The following ROR1 variants were observed in gnomAD, a reference collection of about 807,000 sequenced individuals.
ROR1 encodes the protein ROR family WNT receptor 1, also known as inactive tyrosine-protein kinase transmembrane receptor ROR1.
ROR1 carries 19 observed loss-of-function variants against 78.8 expected under a neutral mutation model. The ratio of observed to expected loss-of-function variants is 0.24; its 90% CI spans 0.17 to 0.35. The LOEUF (loss-of-function observed/expected upper bound fraction) is 0.35, where lower values mean the gene tolerates loss of function less well. Among genes scored for constraint, ROR1 ranks in the 10% least tolerant of loss-of-function variants. ROR1 has a pLI of 1.00. For missense variants in ROR1, 917 were observed against 1,177.8 expected, an observed-to-expected ratio of 0.78 and a Z score of 3.24; for synonymous variants, 386 against 433.6, an observed-to-expected ratio of 0.89 and a Z score of 1.36.
At position 63,962,076 on chromosome 1, in the gene ROR1, A is replaced by G. The variant is rs1646034066; in HGVS notation, c.92-47229A>G. On this transcript the variant is annotated intron_variant, in intron 1 of 8. Coordinates refer to ENST00000371079, the MANE Select transcript of ROR1 (RefSeq NM_005012.4). ...GGAGTTCAAGACCAGCCTGGGCAAC[A>G]TGGCAAAACCCCATGTCTACTAAAA... Among the ~76,000 whole-genome samples the G allele has an allele frequency of 2.0e-5, 3 of 152,192 alleles. No homozygotes were observed. In the South Asian group the frequency reaches 6.2e-4, roughly 32 times the overall value.
chr1:63,961,159 A>C (rs1303887222), intron 1 of ROR1, among the ~76,000 whole-genome samples: 2 of 150,774 alleles, frequency 1.3e-5, no homozygotes, highest in Non-Finnish European at 2.9e-5. Flanking sequence ...AGCTCCTTTA[A>C]TATTATAAGG....
At chr1:63,825,176 T>C (rs1358359711) in intron 1 of ROR1, among the ~76,000 whole-genome samples, 1 of 152,162 alleles carries the variant, frequency 6.6e-6, no homozygotes, top group Non-Finnish European at 1.5e-5. Context: ...CAGTCCTAGG[T>C]ATTTATCCAA....
In ROR1 at chr1:63,847,837, T is replaced by C. The variant is rs199618175; in HGVS notation, c.91+73329T>C. Among the ~76,000 whole-genome samples the C allele has an allele frequency of 3.3e-5, 5 of 152,296 alleles. No individual in the cohort carries two copies. The East Asian group carries it at 9.6e-4, about 29-fold the overall frequency. On this transcript the variant is annotated intron_variant, in intron 1 of 8. Coordinates refer to ENST00000371079, the MANE Select transcript of ROR1 (RefSeq NM_005012.4). The stretch of plus-strand genomic sequence containing the variant: ...AGATATACTCCCTGCTGCTGATAAG[T>C]CCCATGTGTCTACTCATCGGTTAGA...
chr1:63,918,115 C>A (rs1455269422), intron 1 of ROR1, among the ~76,000 whole-genome samples: 1 of 152,194 alleles, frequency 6.6e-6, no homozygotes, highest in East Asian at 1.9e-4. Flanking sequence ...GGTGCCCCGG[C>A]ACCTGCCGTA....
At chr1:63,946,892 CG>C (rs1557576756) in intron 1 of ROR1, among the ~76,000 whole-genome samples, 1 of 152,178 alleles carries the variant, frequency 6.6e-6, no homozygotes, top group Non-Finnish European at 1.5e-5. Flanking sequence ...TGGCTCCTAA[CG>C]GAGGGAGTAA....
chr1:64,124,543 G>A (rs1304120017), intron 4 of ROR1, among the ~76,000 whole-genome samples: 1 of 152,032 alleles, frequency 6.6e-6, no homozygotes, highest in Non-Finnish European at 1.5e-5. Context: ...TGCTGACCCT[G>A]GTCTGAAGCT....
chr1:64,092,189 C>A (rs1647205129), intron 4 of ROR1, among the ~76,000 whole-genome samples: 1 of 138,460 alleles, frequency 7.2e-6, no homozygotes, highest in Non-Finnish European at 1.5e-5. Flanking sequence ...TCCAGAAATT[C>A]TTTAGACAAG....
At chr1:63,950,078 G>A (rs901360421) in intron 1 of ROR1, among the ~76,000 whole-genome samples, 1 of 152,124 alleles carries the variant, frequency 6.6e-6, no homozygotes, top group Non-Finnish European at 1.5e-5. Flanking sequence ...GGAATGTCCT[G>A]ATAGCCTCTG....
In ROR1 at chr1:64,034,903, T is replaced by C. The variant is rs1285208723; in HGVS notation, c.164-14788T>C. ...ACTGCTTTTCCTTTATTCAGTATCA[T>C]TAATCTCGAGGTAGATACCTACCTT... On this transcript the variant is annotated intron_variant, in intron 2 of 8. Coordinates refer to ENST00000371079, the MANE Select transcript of ROR1 (RefSeq NM_005012.4). Among the ~76,000 whole-genome samples the C allele has an allele frequency of 1.3e-5, 2 of 151,508 alleles. 1 individual carries two copies. Among genetic ancestry groups the C allele is most frequent in the Admixed American group, 1.3e-4 (2 of 15,266 alleles).
intron 4 of ROR1, among the ~76,000 whole-genome samples, chr1:64,102,714 C>T (rs1478187803): frequency 6.6e-6 from 1 of 152,166 alleles, no homozygotes; most frequent in African/African-American, 2.4e-5. Context: ...TTTTTTAAAA[C>T]AGTTCCTTCA....
intron 1 of ROR1, among the ~76,000 whole-genome samples, chr1:63,814,797 T>G (rs1372946606): frequency 6.6e-6 from 1 of 152,184 alleles, no homozygotes; most frequent in Non-Finnish European, 1.5e-5. Flanking sequence ...GAAGCTTCGC[T>G]CACTTGCCCA....
intron 1 of ROR1, among the ~76,000 whole-genome samples, chr1:63,837,323 A>G (rs1001354364): frequency 3.3e-5 from 5 of 152,112 alleles, no homozygotes; most frequent in African/African-American, 1.2e-4. Context: ...TGGTGTTTTG[A>G]AAGTGGTTAA....
intron 1 of ROR1, among the ~76,000 whole-genome samples, chr1:63,981,561 T>C (rs1393169747): frequency 6.6e-6 from 1 of 152,118 alleles, no homozygotes; most frequent in Non-Finnish European, 1.5e-5. Context: ...GTGCATTCTA[T>C]TATATATCAG....
intron 1 of ROR1, among the ~76,000 whole-genome samples, chr1:63,834,241 A>G (rs1465739145): frequency 2.0e-5 from 3 of 151,414 alleles, no homozygotes; most frequent in Non-Finnish European, 4.4e-5. Context: ...CAGATATTTA[A>G]AGTGGGTTAC....
At chr1:64,060,712 C>A (rs1165697407) in intron 4 of ROR1, among the ~76,000 whole-genome samples, 3 of 152,248 alleles carry the variant, frequency 2.0e-5, no homozygotes, top group South Asian at 4.1e-4. Flanking sequence ...AAGCAGCTAA[C>A]CTCCATCTCT....
At chr1:63,979,020 T>A (rs1162866485) in intron 1 of ROR1, among the ~76,000 whole-genome samples, 1 of 152,036 alleles carries the variant, frequency 6.6e-6, no homozygotes, top group Non-Finnish European at 1.5e-5. Flanking sequence ...GCTGGGGAGG[T>A]CAGCCTTTTG....
chr1:64,081,804 C>A (rs58762922), intron 4 of ROR1, among the ~76,000 whole-genome samples: 22,154 of 146,078 alleles, frequency 0.15, 1,774 homozygotes, highest in Middle Eastern at 0.2. Flanking sequence ...ATAACACCCC[C>A]CACACACATA....
At chr1:64,148,800 A>G (rs1649543057) in intron 7 of ROR1, among the ~76,000 whole-genome samples, 1 of 152,192 alleles carries the variant, frequency 6.6e-6, no homozygotes, top group Non-Finnish European at 1.5e-5. Context: ...AGTGAAAAAA[A>G]AGACAAAAGT....
At chr1:64,140,470 C>T (rs1649274118) in intron 6 of ROR1, 44 bp downstream of exon 6, 1 of 1,568,300 alleles carries the variant, frequency 6.4e-7, no homozygotes, top group South Asian at 1.1e-5. Flanking sequence ...TAAGGGTCAG[C>T]AACCTGTTGG....
Sources: gnomAD v4.1 joint callset for allele counts (sites outside exome capture counted in the v4.1 genomes callset) on GRCh38, gnomAD v4.1.1 for gene constraint, MANE v1.5 for transcripts, NCBI Gene and HGNC (gene_info 2026-07-23, HGNC 2026-07-21) for gene names.